Variants in GNA12 observed in about 807,000 individuals in gnomAD.
The protein encoded by GNA12 is guanine nucleotide-binding protein subunit alpha-12.
GNA12 carries 9 observed loss-of-function variants against 26.0 expected under a neutral mutation model. That is an observed-to-expected ratio of 0.35 (90% CI 0.21 to 0.60). The LOEUF (loss-of-function observed/expected upper bound fraction) is 0.60. GNA12 is among the 20% of genes least tolerant of loss of function. GNA12 has a pLI of 0.78. For synonymous variants in GNA12, 264 were observed against 219.6 expected (o/e 1.20, Z -1.79); for missense variants, 405 against 525.8 (o/e 0.77, Z 2.25).
intron 2 of GNA12, among the ~76,000 whole-genome samples, chr7:2,778,036 G>T (rs923319868): frequency 2.6e-5 from 4 of 152,204 alleles, no homozygotes; most frequent in Non-Finnish European, 1.5e-5. Context: ...TCACATCACA[G>T]GAATGTCTCC....
At position 2,762,819 on chromosome 7, in the gene GNA12, C is replaced by T. The variant is rs748276817; in HGVS notation, c.526-29318G>A. 18 of 1,523,288 alleles carry T rather than the reference C, an allele frequency of 1.2e-5. No homozygotes were observed. The South Asian group carries it at 1.5e-4, about 13-fold the overall frequency. 94.4% of individuals were successfully genotyped at this position (1,523,288 alleles called of 1,614,324 possible). A position where few individuals can be genotyped will look rare whatever the true frequency, so the allele number is the denominator to read the frequency against. On this transcript the variant is annotated intron_variant, in intron 2 of 3. Transcript: ENST00000275364. ...GGAGCACTCAGGGCGGCCTCCCATC[C>T]GCCACACACCCAGTCAGCGCGGCTC...
At chr7:2,805,539 T>C (rs1018182622) in intron 1 of GNA12, among the ~76,000 whole-genome samples, 1 of 151,974 alleles carries the variant, frequency 6.6e-6, no homozygotes, top group African/African-American at 2.4e-5. Flanking sequence ...TACACTGCTG[T>C]GAGTATCTGG....
At chr7:2,772,787 G>A (rs1791981866) in intron 2 of GNA12, among the ~76,000 whole-genome samples, 1 of 152,050 alleles carries the variant, frequency 6.6e-6, no homozygotes, top group Non-Finnish European at 1.5e-5. Context: ...CCACTCCTAG[G>A]TATATTTCCA....
rs1286383816 is a variant in GNA12, at chr7:2,728,162, G to T, written c.*3019C>A. 7 of 152,386 alleles carry T rather than the reference G, an allele frequency of 4.6e-5. No individual in the cohort carries two copies. The East Asian group carries it at 1.1e-3, about 25-fold the overall frequency. 9.4% of individuals were successfully genotyped at this position (152,386 alleles called of 1,614,324 possible). A position where few individuals can be genotyped will look rare whatever the true frequency, so the allele number is the denominator to read the frequency against. On this transcript the variant is annotated 3_prime_UTR_variant, in exon 4 of 4. Transcript: ENST00000275364. The stretch of plus-strand genomic sequence containing the variant: ...TTTAATAAACATTCAGAGGCTGAGG[G>T]TGGCCAAATTTTCAAGCCAGACCCT...
intron 1 of GNA12, among the ~76,000 whole-genome samples, chr7:2,841,543 C>T (rs1228632635): frequency 6.6e-6 from 1 of 152,058 alleles, no homozygotes; most frequent in African/African-American, 2.4e-5. Context: ...TCAAAGTTCA[C>T]GAAGTATCTG....
chr7:2,739,526 T>C (rs1790391794), intron 2 of GNA12, among the ~76,000 whole-genome samples: 1 of 152,230 alleles, frequency 6.6e-6, no homozygotes, highest in Non-Finnish European at 1.5e-5. Context: ...ATGTGGTTTG[T>C]TTTTCCATTT....
chr7:2,771,298 A>G (rs1160647487), intron 2 of GNA12, among the ~76,000 whole-genome samples: 2 of 152,110 alleles, frequency 1.3e-5, no homozygotes, highest in African/African-American at 4.8e-5. Flanking sequence ...GCCACTCAAA[A>G]AAAACCAAAA....
At chr7:2,759,539 T>C (rs1392859215) in intron 2 of GNA12, among the ~76,000 whole-genome samples, 1 of 152,204 alleles carries the variant, frequency 6.6e-6, no homozygotes, top group African/African-American at 2.4e-5. Flanking sequence ...AAGGAATAAT[T>C]AGCCAAATAC....
rs1194363658 is a variant in GNA12, at chr7:2,780,046, GTGTACATATATATATATA to G, written c.525+14864_525+14881del. Among the ~76,000 whole-genome samples the G allele has an allele frequency of 1.7e-3, 145 of 85,834 alleles. 7 individuals are homozygous for G. Among genetic ancestry groups the G allele is most frequent in the African/African-American group, 6.2e-3 (137 of 22,212 alleles). 56.3% of individuals were successfully genotyped at this position (85,834 alleles called of 152,430 possible). On this transcript the variant is annotated intron_variant, in intron 2 of 3. Coordinates refer to ENST00000275364, the MANE Select transcript of GNA12 (RefSeq NM_007353.3). Reference sequence around the variant, plus strand: ...ACGTACTAGTTTTTTACACATTTCTGTGTACATATATATATATATATATATATATATATATATATATAT... The same window carrying G: ...ACGTACTAGTTTTTTACACATTTCTGTATATATATATATATATATATATAT...
intron 2 of GNA12, chr7:2,794,716 T>C (rs554549000): frequency 3.1e-5 from 18 of 583,224 alleles, no homozygotes; most frequent in Non-Finnish European, 4.3e-5. Flanking sequence ...GCTATTGATC[T>C]TACCTGAGTG....
chr7:2,840,186 T>C (rs915544948), intron 1 of GNA12, among the ~76,000 whole-genome samples: 2 of 152,190 alleles, frequency 1.3e-5, no homozygotes, highest in African/African-American at 2.4e-5. Flanking sequence ...GAGGGAAAGC[T>C]GGCAGAGGGT....
intron 1 of GNA12, among the ~76,000 whole-genome samples, chr7:2,819,645 C>T (rs776973059): frequency 2.1e-4 from 32 of 152,070 alleles, no homozygotes; most frequent in African/African-American, 4.8e-5. Context: ...AAAGAAGATA[C>T]GCAAATGGCC....
At chr7:2,789,656 A>C (rs1792467736) in intron 2 of GNA12, among the ~76,000 whole-genome samples, 1 of 152,148 alleles carries the variant, frequency 6.6e-6, no homozygotes, top group Admixed American at 6.5e-5. Flanking sequence ...CCACTGCTCC[A>C]GTTAGGCGGC....
intron 2 of GNA12, among the ~76,000 whole-genome samples, chr7:2,736,616 G>A (rs1490016009): frequency 1.3e-5 from 2 of 152,218 alleles, no homozygotes; most frequent in South Asian, 2.1e-4. Flanking sequence ...ATGTGATGTC[G>A]TGACACTGGG....
chr7:2,819,668 A>G (rs1340391304), intron 1 of GNA12, among the ~76,000 whole-genome samples: 1 of 152,224 alleles, frequency 6.6e-6, no homozygotes, highest in Non-Finnish European at 1.5e-5. Flanking sequence ...TAAGCACATG[A>G]AAAGATGCTA....
chr7:2,800,614 G>A (rs1208853789), intron 1 of GNA12, among the ~76,000 whole-genome samples: 3 of 152,334 alleles, frequency 2.0e-5, no homozygotes, highest in Admixed American at 2.0e-4. Context: ...CCACGGCAAT[G>A]TAAGTTCCAA....
chr7:2,803,807 A>C (rs1279330556), intron 1 of GNA12, among the ~76,000 whole-genome samples: 2 of 152,004 alleles, frequency 1.3e-5, no homozygotes, highest in African/African-American at 2.4e-5. Context: ...ACAAAACAAA[A>C]CAAAACAAAC....
rs575048185 is a variant in GNA12 at position 2,827,137 on chromosome 7, G to A, written c.309+16716C>T. ...AAAGTGAAGGAAGCCAGACACAAAA[G>A]GTCACATATTATATGATTCCATTTA... On this transcript the variant is annotated intron_variant, in intron 1 of 3. Coordinates refer to ENST00000275364, the MANE Select transcript of GNA12 (RefSeq NM_007353.3). Among the ~76,000 whole-genome samples, 13 of 152,248 alleles carry A rather than the reference G, an allele frequency of 8.5e-5. No homozygotes were observed. In the South Asian group the frequency reaches 2.5e-3, roughly 29 times the overall value.
At chr7:2,817,991 G>A (rs1290301697) in intron 1 of GNA12, among the ~76,000 whole-genome samples, 1 of 152,082 alleles carries the variant, frequency 6.6e-6, no homozygotes, top group South Asian at 2.1e-4. Flanking sequence ...AACAAAAAAA[G>A]AAGAAAAAGT....
Sources: allele counts gnomAD v4.1 joint callset (sites outside exome capture counted in the v4.1 genomes callset), GRCh38; gene constraint gnomAD v4.1.1; transcripts MANE v1.5; gene names NCBI Gene and HGNC (gene_info 2026-07-23, HGNC 2026-07-21).